CCDC157: variants seen among roughly 807,000 people sequenced by gnomAD.
The protein encoded by CCDC157 is coiled-coil domain-containing protein 157.
Under a neutral mutation model 70.9 loss-of-function variants are expected in CCDC157, and 60 were observed. The ratio of observed to expected loss-of-function variants is 0.85; its 90% CI spans 0.69 to 1.05. CCDC157 has a LOEUF of 1.05. CCDC157 is among the 50% of genes least tolerant of loss of function. The probability of loss-of-function intolerance (pLI) is 0.00; values close to 1 mark genes in which losing one functional copy is unlikely to be tolerated. For synonymous variants in CCDC157, 373 were observed against 422.4 expected (o/e 0.88, Z 1.43); for missense variants, 943 against 984.2 (o/e 0.96, Z 0.56).
Position 30,376,708 on chromosome 22 carries a change from C to T in CCDC157, c.2222C>T (p.Ala741Val). ...RKRLSPGRGQ[A>V]SSAHQPQERP... is the part of the protein sequence containing the mutation. ...AGACTGTCACCTGGCCGGGGACAGG[C>T]CAGCTCTGCACACCAGCCCCAGGAG... Residue 741 changes from alanine to valine, a missense_variant, in exon 12 of 12, where the codon GCC becomes GTC. Coordinates refer to ENST00000338306, the MANE Select transcript of CCDC157 (RefSeq NM_001017437.5). 1 of 1,613,276 alleles carries T rather than the reference C, an allele frequency of 6.2e-7. No individual in the cohort carries two copies. Among genetic ancestry groups the T allele is most frequent in the Non-Finnish European group, 8.5e-7 (1 of 1,180,012 alleles).
At chr22:30,358,170 A>T (rs934179226) in intron 1 of CCDC157, among the ~76,000 whole-genome samples, 4 of 152,190 alleles carry the variant, frequency 2.6e-5, no homozygotes, top group African/African-American at 9.7e-5. Context: ...CTGTGAAATG[A>T]GGGAGTGATA....
chr22:30,364,827 A>C (rs944792659), intron 2 of CCDC157, among the ~76,000 whole-genome samples: 50 of 151,994 alleles, frequency 3.3e-4, no homozygotes, highest in Middle Eastern at 3.2e-3. Context: ...AAAAAAAAAA[A>C]AACCAAAAAA....
At chr22:30,364,453 T>G (rs535440029) in intron 2 of CCDC157, among the ~76,000 whole-genome samples, 1 of 152,324 alleles carries the variant, frequency 6.6e-6, no homozygotes, top group East Asian at 1.9e-4. Flanking sequence ...ATCCTGAAAC[T>G]ATGTACCCTG....
At position 30,370,703 on chromosome 22, in the gene CCDC157, A is replaced by G; in HGVS notation, c.798A>G (p.Pro266=). ...QLVQDSMGLR[P]LPAATVGRWA... ...TGCAGGACAGCATGGGGCTCAGGCC[A>G]CTGCCGGCTGCCACCGTGGGCCGCT... The change falls in exon 5 of 12, where the codon CCA becomes CCG. Residue 266 remains proline, a synonymous_variant. Coordinates refer to ENST00000338306, the MANE Select transcript of CCDC157 (RefSeq NM_001017437.5). 2 of 1,613,402 alleles carry G rather than the reference A, an allele frequency of 1.2e-6. No individual in the cohort carries two copies. The highest frequency in any genetic ancestry group is 1.7e-6 in the Non-Finnish European group (2 of 1,179,834).
Position 30,371,393 on chromosome 22 carries a change from T to C in CCDC157, c.1046-257T>C, listed in dbSNP as rs941479230. ...TGGGAGGCCTGAGGGATTTGCCCTT[T>C]CTGAGCCTCATCACAGTTGCCTCCA... On this transcript the variant is annotated intron_variant, in intron 5 of 11. Coordinates refer to ENST00000338306, the MANE Select transcript of CCDC157 (RefSeq NM_001017437.5). 4 of 546,352 alleles carry C rather than the reference T, an allele frequency of 7.3e-6. No individual in the cohort carries two copies. The African/African-American group carries it at 7.5e-5, about 10-fold the overall frequency. The allele number at this position is 546,352 out of a possible 1,614,324, so 33.8% of individuals were successfully genotyped here. A position where few individuals can be genotyped will look rare whatever the true frequency, so the allele number is the denominator to read the frequency against.
Position 30,373,771 on chromosome 22 carries a change from G to T in CCDC157, c.1503+7G>T, listed in dbSNP as rs1364900807. ...CCAGCTCAGGGCCCAGCAGGTGAGGGTGGGGGTCTTCCTTTTTGCCAGAGA... is the reference window on the plus strand; with the variant it reads ...CCAGCTCAGGGCCCAGCAGGTGAGGTTGGGGGTCTTCCTTTTTGCCAGAGA... On this transcript the variant is annotated splice_region_variant and intron_variant, in intron 8 of 11. Transcript: ENST00000338306. The T allele has an allele frequency of 6.5e-7, 1 of 1,546,440 alleles. No homozygotes were observed. Among genetic ancestry groups the T allele is most frequent in the African/African-American group, 1.4e-5 (1 of 73,002 alleles).
Position 30,366,128 on chromosome 22 carries a change from CTGACCGCATGGCCTG to C in CCDC157, c.134_148del (p.Arg45_Asp49del). On this transcript the variant is annotated inframe_deletion, in exon 3 of 12. Coordinates refer to ENST00000338306, the MANE Select transcript of CCDC157 (RefSeq NM_001017437.5). ...GTGCGCTTCCCCTCCTGGAAGTTCCCTGACCGCATGGCCTGTGACCTCGACATGGTGGCCCTGCTG... is the reference window on the plus strand; with the variant it reads ...GTGCGCTTCCCCTCCTGGAAGTTCCCTGACCTCGACATGGTGGCCCTGCTG... The C allele has an allele frequency of 6.2e-7, 1 of 1,613,648 alleles. No homozygotes were observed. The highest frequency in any genetic ancestry group is 8.5e-7 in the Non-Finnish European group (1 of 1,180,038).
intron 1 of CCDC157, among the ~76,000 whole-genome samples, chr22:30,361,455 C>T (rs571523570): frequency 6.6e-6 from 1 of 152,122 alleles, no homozygotes; most frequent in South Asian, 2.1e-4. Flanking sequence ...TGGCGGCCTG[C>T]TTCAGAGAAG....
intron 6 of CCDC157, 67 bp from the exon 7 acceptor site, chr22:30,372,008 G>A (rs41308741): frequency 0.024 from 26,135 of 1,090,016 alleles, 401 homozygotes; most frequent in East Asian, 0.059. Context: ...GTGAGCTCCC[G>A]TCCTAGGTCT....
In CCDC157 at chr22:30,366,046, A is replaced by G. The variant is rs9606721; in HGVS notation, c.46A>G (p.Thr16Ala). The G allele has an allele frequency of 0.021, 33,543 of 1,605,576 alleles. 467 individuals carry two copies. The highest frequency in any genetic ancestry group is 0.026 in the Non-Finnish European group (30,909 of 1,179,716). The change falls in exon 3 of 12, where the codon ACA becomes GCA. Residue 16 changes from threonine to alanine, a missense_variant. Coordinates refer to ENST00000338306, the MANE Select transcript of CCDC157 (RefSeq NM_001017437.5). ...CCAGGCCTGCATGGAGAGCCTGCGC[A>G]CAGACCTCACCGACCTGCAGGGTGC... ...GSQACMESLR[T>A]DLTDLQGAIV...
chr22:30,373,754 G>A lies in CCDC157; in HGVS notation c.1493G>A (p.Arg498Lys). 1.3e-6 allele frequency: 2 copies of A among 1,552,546 alleles called. No homozygotes were observed. Among genetic ancestry groups the A allele is most frequent in the Non-Finnish European group, 1.7e-6 (2 of 1,148,026 alleles). The change falls in exon 8 of 12, where the codon AGG (arginine) becomes AAG (lysine). Residue 498 changes from arginine (R) to lysine (K), a missense_variant. Arg to Lys is a conservative substitution (Grantham distance 26, BLOSUM62 2). Coordinates refer to ENST00000338306, the MANE Select transcript of CCDC157 (RefSeq NM_001017437.5). ...CGGGAGCAGGGGCAATGCCAGCTCA[G>A]GGCCCAGCAGGTGAGGGTGGGGGTC... ...SEREQGQCQL[R>K]AQQELLQSLQ... is the part of the protein sequence containing the mutation.
intron 4 of CCDC157, 71 bp from the exon 5 acceptor site, chr22:30,370,255 C>A (rs2145917004): frequency 6.5e-7 from 1 of 1,528,530 alleles, no homozygotes; most frequent in South Asian, 1.2e-5. Context: ...CAGAACATCC[C>A]CCAGGGAACC....
rs1932388770 is a variant in CCDC157, at chr22:30,362,106, T to G, written c.-20T>G. 6.6e-6 allele frequency: 1 copy of G among 152,358 alleles called. No individual in the cohort carries two copies. Among genetic ancestry groups the G allele is most frequent in the Non-Finnish European group, 1.5e-5 (1 of 68,174 alleles). 9.4% of individuals were successfully genotyped at this position (152,358 alleles called of 1,614,324 possible). On this transcript the variant is annotated 5_prime_UTR_variant, in exon 2 of 12. Coordinates refer to ENST00000338306, the MANE Select transcript of CCDC157 (RefSeq NM_001017437.5). ...CACTCCAGCTCCACGGGCAGACACC[T>G]GCACAGAGGTAAGGGGAAAGCCCCA...
At chr22:30,360,748 C>T (rs1283753322) in intron 1 of CCDC157, among the ~76,000 whole-genome samples, 27 of 151,676 alleles carry the variant, frequency 1.8e-4, no homozygotes, top group Admixed American at 1.8e-3. Flanking sequence ...CCTGCCTCTA[C>T]TACTAAATAC....
At chr22:30,359,730 GATA>G (rs1451925598) in intron 1 of CCDC157, among the ~76,000 whole-genome samples, 3 of 152,216 alleles carry the variant, frequency 2.0e-5, no homozygotes, top group African/African-American at 7.2e-5. Flanking sequence ...ATGTTGAAAT[GATA>G]ATGTTTTGGG....
At chr22:30,364,750 G>T in intron 2 of CCDC157, among the ~76,000 whole-genome samples, 1 of 151,670 alleles carries the variant, frequency 6.6e-6, no homozygotes, top group East Asian at 1.9e-4. Flanking sequence ...CTGAGGTGGA[G>T]GCTGCAGTGA....
chr22:30,373,481 A>T, intron 7 of CCDC157, 116 bp from the exon 8 acceptor site: 1 of 1,137,162 alleles, frequency 8.8e-7, no homozygotes, highest in Middle Eastern at 2.3e-4. Context: ...ACACAGACAC[A>T]CACCCCAGGG....
At chr22:30,358,898 A>G (rs963087673) in intron 1 of CCDC157, among the ~76,000 whole-genome samples, 2 of 152,208 alleles carry the variant, frequency 1.3e-5, no homozygotes, top group African/African-American at 2.4e-5. Flanking sequence ...TGACACACAC[A>G]TAAAGTACTT....
rs1336548642 is a variant in CCDC157 at position 30,376,469 on chromosome 22, G to A, written c.1983G>A (p.Thr661=). ...GACAGCACCTTCCTAGCAGCAGGAC[G>A]GGTAGGACCCTGCTGGGCCAGCCCT... ...LGRQHLPSSR[T]GRTLLGQPCT... The change falls in exon 12 of 12, where the codon ACG becomes ACA. Residue 661 remains threonine, a synonymous_variant. Transcript: ENST00000338306. The A allele has an allele frequency of 4.3e-6, 7 of 1,613,202 alleles. No individual in the cohort carries two copies. Among genetic ancestry groups the A allele is most frequent in the Middle Eastern group, 1.6e-4 (1 of 6,074 alleles).
Sources: allele counts gnomAD v4.1 joint callset (sites outside exome capture counted in the v4.1 genomes callset), GRCh38; gene constraint gnomAD v4.1.1; transcripts MANE v1.5; gene names NCBI Gene and HGNC (gene_info 2026-07-23, HGNC 2026-07-21).